TACR3: variants seen among roughly 807,000 people sequenced by gnomAD.
The protein encoded by TACR3 is tachykinin receptor 3.
In TACR3, 34 loss-of-function variants were observed where a neutral mutation model predicts 35.0. The ratio of observed to expected loss-of-function variants is 0.97; its 90% CI spans 0.74 to 1.30. The LOEUF is 1.30. TACR3 is among the 50% of genes most tolerant of loss of function. The pLI is 0.00. For missense variants in TACR3, 558 were observed against 591.7 expected (o/e 0.94, Z 0.59); for synonymous variants, 233 against 221.1 (o/e 1.05, Z -0.48).
In TACR3 at chr4:103,656,311, A is replaced by G. The variant is rs1019153418; in HGVS notation, c.771T>C (p.Cys257=). 6.2e-7 allele frequency: 1 copy of G among 1,612,678 alleles called. No homozygotes were observed. Among genetic ancestry groups the G allele is most frequent in the Non-Finnish European group, 8.5e-7 (1 of 1,179,108 alleles). ...TAATACCCATGATGAGCAATGGGAAACAGTACACCAGTATAATGACGATAA... is the reference window on the plus strand; with the variant it reads ...TAATACCCATGATGAGCAATGGGAAGCAGTACACCAGTATAATGACGATAA... The part of the protein sequence containing the change: ...YHIIVIILVY[C]FPLLIMGITY... Residue 257 remains cysteine, a synonymous_variant, in exon 3 of 5, where the codon TGT becomes TGC. Coordinates refer to ENST00000304883, the MANE Select transcript of TACR3 (RefSeq NM_001059.3).
intron 1 of TACR3, among the ~76,000 whole-genome samples, chr4:103,707,635 G>A (rs1722823844): frequency 6.6e-6 from 1 of 152,118 alleles, no homozygotes; most frequent in South Asian, 2.1e-4. Context: ...ATCTCACTGG[G>A]GTTTGTCAGA....
At chr4:103,600,428 C>T (rs58094189) in intron 3 of TACR3, among the ~76,000 whole-genome samples, 5,142 of 152,030 alleles carry the variant, frequency 0.034, 322 homozygotes, top group African/African-American at 0.12. Context: ...ATTCATTAAT[C>T]TTTTGAAGGG....
At chr4:103,598,882 T>C (rs1393089110) in intron 3 of TACR3, among the ~76,000 whole-genome samples, 1 of 152,200 alleles carries the variant, frequency 6.6e-6, no homozygotes, top group Non-Finnish European at 1.5e-5. Flanking sequence ...TGAAGTCAGG[T>C]AGCATGATGC....
chr4:103,625,928 C>G (rs1440770601), intron 3 of TACR3, among the ~76,000 whole-genome samples: 1 of 152,146 alleles, frequency 6.6e-6, no homozygotes, highest in African/African-American at 2.4e-5. Context: ...GATTAGGACA[C>G]AGACCTGAAG....
chr4:103,644,992 G>C (rs550307814), intron 3 of TACR3, among the ~76,000 whole-genome samples: 30 of 151,864 alleles, frequency 2.0e-4, no homozygotes, highest in African/African-American at 7.0e-4. Flanking sequence ...GGAAATCTAA[G>C]TCATATGGGT....
chr4:103,717,221 T>C lies in TACR3; in HGVS notation c.548+1907A>G, dbSNP rs143133311. 4.6e-3 allele frequency among the ~76,000 whole-genome samples: 702 copies of C among 152,168 alleles called. 8 individuals are homozygous for C. The highest frequency in any genetic ancestry group is 0.016 in the African/African-American group (659 of 41,504). On this transcript the variant is annotated intron_variant, in intron 1 of 4. Transcript: ENST00000304883. Reference sequence around the variant, plus strand: ...AACTATTTTAAACAAGATTTCTGTATTTCTGTTTTTTTTTAATCAACTGTC... The same window carrying C: ...AACTATTTTAAACAAGATTTCTGTACTTCTGTTTTTTTTTAATCAACTGTC...
At chr4:103,645,840 T>G (rs1725446120) in intron 3 of TACR3, among the ~76,000 whole-genome samples, 1 of 151,898 alleles carries the variant, frequency 6.6e-6, no homozygotes, top group Non-Finnish European at 1.5e-5. Context: ...ACCTCCACAA[T>G]TTTCAGCAAA....
intron 3 of TACR3, among the ~76,000 whole-genome samples, chr4:103,599,744 T>A (rs1328769695): frequency 6.6e-6 from 1 of 152,242 alleles, no homozygotes; most frequent in Non-Finnish European, 1.5e-5. Flanking sequence ...TCTGTTTATA[T>A]GCTGGATTAG....
chr4:103,702,632 CAA>C (rs1722681902), intron 1 of TACR3, among the ~76,000 whole-genome samples: 1 of 151,972 alleles, frequency 6.6e-6, no homozygotes, highest in Non-Finnish European at 1.5e-5. Context: ...TTCACAATAG[CAA>C]AGACTTGGAA....
chr4:103,599,190 C>A (rs1433543067), intron 3 of TACR3, among the ~76,000 whole-genome samples: 2 of 152,032 alleles, frequency 1.3e-5, no homozygotes, highest in African/African-American at 4.8e-5. Flanking sequence ...AGTTGGATTC[C>A]TAGGTATTTT....
At chr4:103,696,942 C>G (rs1722533684) in intron 1 of TACR3, among the ~76,000 whole-genome samples, 1 of 152,096 alleles carries the variant, frequency 6.6e-6, no homozygotes, top group South Asian at 2.1e-4. Flanking sequence ...GAGACAGGTT[C>G]TTGCTCTGTC....
chr4:103,694,993 CTCAT>C (rs1224390572), intron 1 of TACR3, among the ~76,000 whole-genome samples: 3 of 152,054 alleles, frequency 2.0e-5, no homozygotes, highest in Admixed American at 1.3e-4. Context: ...ATTTTCCTAT[CTCAT>C]TGGACAATTT....
At chr4:103,627,633 G>C (rs1724934473) in intron 3 of TACR3, among the ~76,000 whole-genome samples, 1 of 152,078 alleles carries the variant, frequency 6.6e-6, no homozygotes, top group Non-Finnish European at 1.5e-5. Context: ...GGAGCACCCA[G>C]ATTCATAAAG....
chr4:103,660,612 G>A (rs1175028023), intron 1 of TACR3, among the ~76,000 whole-genome samples: 1 of 151,836 alleles, frequency 6.6e-6, no homozygotes, highest in African/African-American at 2.4e-5. Context: ...TTAGTGCCTT[G>A]ATTGTGGCGA....
chr4:103,603,474 T>C (rs566765122), intron 3 of TACR3, among the ~76,000 whole-genome samples: 1 of 152,354 alleles, frequency 6.6e-6, no homozygotes, highest in African/African-American at 2.4e-5. Flanking sequence ...AAATCACCCG[T>C]CTTCTGCGTT....
At chr4:103,671,431 G>C (rs1443264461) in intron 1 of TACR3, among the ~76,000 whole-genome samples, 2 of 151,858 alleles carry the variant, frequency 1.3e-5, no homozygotes, top group Non-Finnish European at 2.9e-5. Context: ...GCTCTTCTTT[G>C]ATGGGAGAGT....
At chr4:103,612,456 T>C (rs565630998) in intron 3 of TACR3, among the ~76,000 whole-genome samples, 5 of 152,304 alleles carry the variant, frequency 3.3e-5, no homozygotes, top group Admixed American at 3.3e-4. Context: ...CTCTCTTGTT[T>C]ATTTAGGGGT....
intron 1 of TACR3, among the ~76,000 whole-genome samples, chr4:103,660,978 G>A (rs547213619): frequency 6.6e-6 from 1 of 151,918 alleles, no homozygotes; most frequent in South Asian, 2.1e-4. Context: ...TTTACAGAAA[G>A]GAAAACTGAG....
chr4:103,665,686 C>T (rs1228080162), intron 1 of TACR3, among the ~76,000 whole-genome samples: 2 of 152,078 alleles, frequency 1.3e-5, no homozygotes, highest in Non-Finnish European at 1.5e-5. Context: ...ACACAAATTT[C>T]CCTTGAAGTA....
Sources: allele counts gnomAD v4.1 joint callset (sites outside exome capture counted in the v4.1 genomes callset), GRCh38; gene constraint gnomAD v4.1.1; transcripts MANE v1.5; gene names NCBI Gene and HGNC (gene_info 2026-07-23, HGNC 2026-07-21).